The following ELAVL4 variants were observed in gnomAD, a reference collection of about 807,000 sequenced individuals.
ELAVL4 encodes ELAV like RNA binding protein 4.
Under a neutral mutation model 35.6 loss-of-function variants are expected in ELAVL4, and 1 was observed. That is an observed-to-expected ratio of 0.03 (90% CI 0.01 to 0.13). The LOEUF (loss-of-function observed/expected upper bound fraction) is 0.13. ELAVL4 is among the 10% of genes least tolerant of loss of function. The pLI is 1.00. For synonymous variants in ELAVL4, 156 were observed against 171.0 expected, an observed-to-expected ratio of 0.91 and a Z score of 0.69; for missense variants, 267 against 464.9, an observed-to-expected ratio of 0.57 and a Z score of 3.91.
intron 3 of ELAVL4, chr1:50,179,476 C>T (rs1400375221): frequency 1.3e-5 from 2 of 151,986 alleles, no homozygotes; most frequent in East Asian, 1.9e-4. Flanking sequence ...AAAAGCAAAC[C>T]CCTTTTGTAT....
chr1:50,088,120 A>G (rs1665330724), intron 1 of ELAVL4, among the ~76,000 whole-genome samples: 2 of 152,262 alleles, frequency 1.3e-5, no homozygotes, highest in East Asian at 3.9e-4. Flanking sequence ...ACTTGCTTTA[A>G]TTGTAAGGAA....
intron 3 of ELAVL4, among the ~76,000 whole-genome samples, chr1:50,193,266 A>G (rs757931870): frequency 2.6e-5 from 4 of 152,184 alleles, no homozygotes; most frequent in Non-Finnish European, 5.9e-5. Context: ...ACATAAAAAA[A>G]TCTTGCAGAG....
chr1:50,081,944 C>T (rs1293359537), intron 1 of ELAVL4, among the ~76,000 whole-genome samples: 2 of 152,020 alleles, frequency 1.3e-5, no homozygotes, highest in African/African-American at 2.4e-5. Context: ...GTTTTCTGTT[C>T]CTGTGTTAGT....
At chr1:50,053,683 G>A (rs745681826) in intron 1 of ELAVL4, among the ~76,000 whole-genome samples, 55 of 152,246 alleles carry the variant, frequency 3.6e-4, no homozygotes, top group Middle Eastern at 3.4e-3. Context: ...TATGGACCTG[G>A]CCCAGTTGTA....
intron 2 of ELAVL4, among the ~76,000 whole-genome samples, chr1:50,160,002 G>A (rs1460729153): frequency 3.9e-5 from 6 of 152,094 alleles, no homozygotes. Flanking sequence ...CTCACACTAG[G>A]CATTTTTTTG....
At chr1:50,128,450 C>A (rs1345162213) in intron 1 of ELAVL4, among the ~76,000 whole-genome samples, 2 of 152,082 alleles carry the variant, frequency 1.3e-5, no homozygotes, top group East Asian at 3.9e-4. Flanking sequence ...TCCATTTATT[C>A]ATTTATTCTA....
At chr1:50,049,027 G>A (rs578181123) in intron 1 of ELAVL4, among the ~76,000 whole-genome samples, 29 of 152,286 alleles carry the variant, frequency 1.9e-4, no homozygotes, top group African/African-American at 7.0e-4. Flanking sequence ...GGAGACCACA[G>A]GGAAACCGAA....
At chr1:50,179,354 T>C (rs1279447124) in intron 3 of ELAVL4, among the ~76,000 whole-genome samples, 2 of 152,174 alleles carry the variant, frequency 1.3e-5, no homozygotes, top group Admixed American at 6.5e-5. Flanking sequence ...ATTAAAGCAG[T>C]TTATTTGCTG....
At chr1:50,069,173 T>C (rs1572123130) in intron 1 of ELAVL4, among the ~76,000 whole-genome samples, 1 of 152,194 alleles carries the variant, frequency 6.6e-6, no homozygotes, top group East Asian at 1.9e-4. Context: ...AGCAGCATCA[T>C]TTACCAGCTA....
chr1:50,049,616 C>G (rs1000466267), intron 1 of ELAVL4, among the ~76,000 whole-genome samples: 1 of 152,172 alleles, frequency 6.6e-6, no homozygotes, highest in African/African-American at 2.4e-5. Context: ...CCTCTCCTTT[C>G]AGTTTTTAGG....
At chr1:50,137,999 C>T (rs1572353444) in intron 1 of ELAVL4, among the ~76,000 whole-genome samples, 1 of 152,280 alleles carries the variant, frequency 6.6e-6, no homozygotes, top group East Asian at 1.9e-4. Flanking sequence ...GCAAAGGCTG[C>T]CCTGAACCAC....
At chr1:50,102,239 TGG>T (rs2148514566), upstream of ELAVL4, among the ~76,000 whole-genome samples, 1 of 151,884 alleles carries the variant, frequency 6.6e-6, no homozygotes, top group African/African-American at 2.4e-5. Flanking sequence ...TGAGCCGAGA[TGG>T]CGCCACTGCA....
At chr1:50,184,273 TA>T (rs958954020) in intron 3 of ELAVL4, among the ~76,000 whole-genome samples, 3 of 151,962 alleles carry the variant, frequency 2.0e-5, no homozygotes, top group African/African-American at 7.3e-5. Flanking sequence ...TGTCCACATC[TA>T]AAAAGGAAAT....
intron 2 of ELAVL4, among the ~76,000 whole-genome samples, chr1:50,149,438 G>A (rs1419523725): frequency 6.6e-6 from 1 of 151,050 alleles, no homozygotes; most frequent in Non-Finnish European, 1.5e-5. Context: ...ACAACAAACA[G>A]TTTTGACCTG....
intron 1 of ELAVL4, among the ~76,000 whole-genome samples, chr1:50,141,513 A>G (rs1330427232): frequency 6.6e-6 from 1 of 152,158 alleles, no homozygotes; most frequent in African/African-American, 2.4e-5. Context: ...AGGCACTGCA[A>G]AGACCCAGAA....
chr1:50,086,771 C>A (rs1160036616), intron 1 of ELAVL4, among the ~76,000 whole-genome samples: 2 of 152,120 alleles, frequency 1.3e-5, no homozygotes, highest in African/African-American at 4.8e-5. Flanking sequence ...CCTCCACCCC[C>A]AGATAATTGG....
At chr1:50,084,871 T>C (rs982611984) in intron 1 of ELAVL4, among the ~76,000 whole-genome samples, 15 of 152,202 alleles carry the variant, frequency 9.9e-5, no homozygotes, top group African/African-American at 3.6e-4. Flanking sequence ...AACTTACCAT[T>C]AGTTCATTTT....
At chr1:50,118,961 AGAGG>A (rs796145342) in intron 1 of ELAVL4, among the ~76,000 whole-genome samples, 35 of 125,804 alleles carry the variant, frequency 2.8e-4, no homozygotes, top group Admixed American at 5.6e-4. Context: ...AGAGAGAGAG[AGAGG>A]GAGGGAGGGA....
At position 50,149,705 on chromosome 1, in the gene ELAVL4, G is replaced by C. The variant is rs564987640; in HGVS notation, c.250+4508G>C. Among the ~76,000 whole-genome samples, 226 of 151,838 alleles carry C rather than the reference G, an allele frequency of 1.5e-3. 3 individuals are homozygous for C. The highest frequency in any genetic ancestry group is 2.3e-3 in the Non-Finnish European group (157 of 67,926). On this transcript the variant is annotated intron_variant, in intron 2 of 6. Coordinates refer to ENST00000371824, the MANE Select transcript of ELAVL4 (RefSeq NM_001144774.3). ...ACTACAGGCACCCGCCACCACGCCT[G>C]GCTAATTTTTGTATTTTTAGTAGAG...
Sources: gnomAD v4.1 joint callset for allele counts (sites outside exome capture counted in the v4.1 genomes callset) on GRCh38, gnomAD v4.1.1 for gene constraint, MANE v1.5 for transcripts, NCBI Gene and HGNC (gene_info 2026-07-23, HGNC 2026-07-21) for gene names.